Variants in FSTL4 observed in about 807,000 individuals in gnomAD.
The protein encoded by FSTL4 is follistatin like 4.
FSTL4 carries 28 observed loss-of-function variants against 78.2 expected under a neutral mutation model. The observed-to-expected ratio is 0.36, with a 90% CI of 0.27 to 0.49. The LOEUF (loss-of-function observed/expected upper bound fraction) is 0.49, where lower values mean the gene tolerates loss of function less well. Ranked by LOEUF, FSTL4 falls within the 20% of genes least tolerant of loss-of-function variation. The probability of loss-of-function intolerance (pLI) is 0.98; values close to 1 mark genes in which losing one functional copy is unlikely to be tolerated. For synonymous variants in FSTL4, 422 were observed against 440.5 expected (o/e 0.96, Z 0.53); for missense variants, 922 against 1,084.9 (o/e 0.85, Z 2.11).
chr5:133,461,235 C>A (rs115702921), intron 3 of FSTL4, among the ~76,000 whole-genome samples: 1 of 152,164 alleles, frequency 6.6e-6, no homozygotes, highest in East Asian at 1.9e-4. Flanking sequence ...GGACAATACC[C>A]TAACTAGCAT....
rs1252384909 is a variant in FSTL4 at position 133,546,128 on chromosome 5, GA to G, written c.160+21057del. 2.6e-5 allele frequency among the ~76,000 whole-genome samples: 4 copies of G among 152,278 alleles called. No homozygotes were observed. The South Asian group carries it at 8.3e-4, about 32-fold the overall frequency. On this transcript the variant is annotated intron_variant, in intron 3 of 15. Coordinates refer to ENST00000265342, the MANE Select transcript of FSTL4 (RefSeq NM_015082.2). ...CCACTTACATTAAGTAGTGAGAGAG[GA>G]AAAAGTGACTTACAGATGAAACTCA...
intron 3 of FSTL4, among the ~76,000 whole-genome samples, chr5:133,511,358 TCTC>T: frequency 6.6e-6 from 1 of 152,124 alleles, no homozygotes; most frequent in Middle Eastern, 3.4e-3. Flanking sequence ...TGTTCCCTCT[TCTC>T]CTCCCCAGTA....
the FSTL4 span, among the ~76,000 whole-genome samples, chr5:133,808,912 G>T: frequency 8.8e-6 from 1 of 113,516 alleles, no homozygotes; most frequent in East Asian, 2.8e-4. Flanking sequence ...CTGGAAAATA[G>T]AATAGAAAAA....
At chr5:133,366,741 C>A (rs1755188696) in intron 4 of FSTL4, among the ~76,000 whole-genome samples, 1 of 151,568 alleles carries the variant, frequency 6.6e-6, no homozygotes, top group Admixed American at 6.6e-5. Context: ...CATCAACGGA[C>A]CAATCCAAGA....
At chr5:133,365,237 A>G (rs1755159025) in intron 4 of FSTL4, among the ~76,000 whole-genome samples, 1 of 133,568 alleles carries the variant, frequency 7.5e-6, no homozygotes, top group Admixed American at 7.1e-5. Flanking sequence ...AATTTCTAAA[A>G]TAATAATAAT....
intron 6 of FSTL4, among the ~76,000 whole-genome samples, chr5:133,285,604 GCCA>G (rs1753110213): frequency 6.6e-6 from 1 of 152,218 alleles, no homozygotes; most frequent in Admixed American, 6.5e-5. Context: ...GGCATGTCCT[GCCA>G]CCACAAGGAG....
At chr5:133,792,982 C>A in the FSTL4 span, among the ~76,000 whole-genome samples, 1 of 152,196 alleles carries the variant, frequency 6.6e-6, no homozygotes, top group Non-Finnish European at 1.5e-5. Context: ...GAGGGACTGT[C>A]CTTGCTGGCT....
intron 6 of FSTL4, among the ~76,000 whole-genome samples, chr5:133,301,532 G>A (rs904139636): frequency 2.6e-5 from 4 of 152,168 alleles, no homozygotes; most frequent in Non-Finnish European, 5.9e-5. Flanking sequence ...ATGTGGGGTG[G>A]GCTTGGAAGT....
At chr5:133,326,968 C>T (rs1243146235) in intron 4 of FSTL4, among the ~76,000 whole-genome samples, 1 of 152,234 alleles carries the variant, frequency 6.6e-6, no homozygotes. Flanking sequence ...GAACACTCCT[C>T]ACTCCTTAGT....
At chr5:133,337,430 G>A (rs987690820) in intron 4 of FSTL4, among the ~76,000 whole-genome samples, 1 of 152,192 alleles carries the variant, frequency 6.6e-6, no homozygotes, top group Non-Finnish European at 1.5e-5. Context: ...TAATTGGGGT[G>A]CATTAGCGCT....
chr5:133,600,016 C>T (rs1284853485), intron 2 of FSTL4, among the ~76,000 whole-genome samples: 2 of 152,162 alleles, frequency 1.3e-5, no homozygotes, highest in African/African-American at 2.4e-5. Flanking sequence ...ATTGATTTTA[C>T]TACTATATTT....
the FSTL4 span, among the ~76,000 whole-genome samples, chr5:133,792,786 C>T: frequency 2.0e-5 from 3 of 152,196 alleles, no homozygotes; most frequent in Non-Finnish European, 4.4e-5. Context: ...CAGCAGTGAT[C>T]CCATGGCCCA....
the FSTL4 span, among the ~76,000 whole-genome samples, chr5:133,716,043 A>T: frequency 0.013 from 1,982 of 152,324 alleles, 50 homozygotes; most frequent in African/African-American, 0.044. Context: ...CACTGCTAGA[A>T]ATCATGTGGT....
intron 6 of FSTL4, among the ~76,000 whole-genome samples, chr5:133,275,567 AC>A (rs67356651): frequency 0.39 from 54,883 of 139,578 alleles, 11,840 homozygotes; most frequent in African/African-American, 0.59. Context: ...TCTTAAAAAA[AC>A]AAAAAAAAAA....
At chr5:133,416,088 T>C (rs1756577080) in intron 3 of FSTL4, among the ~76,000 whole-genome samples, 1 of 151,960 alleles carries the variant, frequency 6.6e-6, no homozygotes, top group Non-Finnish European at 1.5e-5. Context: ...TTTGAAAAAA[T>C]GGTTTGTTCC....
chr5:133,778,719 G>T, the FSTL4 span, among the ~76,000 whole-genome samples: 27 of 152,166 alleles, frequency 1.8e-4, no homozygotes, highest in Admixed American at 1.8e-3. Flanking sequence ...CCTTTGAAAG[G>T]CCTCAGAATT....
chr5:133,546,628 T>C (rs1179255429), intron 3 of FSTL4, among the ~76,000 whole-genome samples: 2 of 149,454 alleles, frequency 1.3e-5, no homozygotes, highest in African/African-American at 2.5e-5. Flanking sequence ...AGCAAGACAA[T>C]AGAAGACAGA....
intron 3 of FSTL4, among the ~76,000 whole-genome samples, chr5:133,527,099 T>C (rs1237699187): frequency 6.6e-6 from 1 of 152,212 alleles, no homozygotes; most frequent in Admixed American, 6.5e-5. Context: ...GCTAATGCAC[T>C]CATTCTCAGT....
intron 14 of FSTL4, chr5:133,209,904 G>C: frequency 3.3e-6 from 1 of 303,410 alleles, no homozygotes; most frequent in Non-Finnish European, 6.2e-6. Flanking sequence ...TTGGGACCCA[G>C]GAGCTATTGG....
Sources: gnomAD v4.1 joint callset for allele counts (sites outside exome capture counted in the v4.1 genomes callset) on GRCh38, gnomAD v4.1.1 for gene constraint, MANE v1.5 for transcripts, NCBI Gene and HGNC (gene_info 2026-07-23, HGNC 2026-07-21) for gene names.